Variants in ELAC1 observed in about 807,000 individuals in gnomAD.
ELAC1 encodes the protein elaC ribonuclease Z 1, also known as zinc phosphodiesterase ELAC protein 1.
Under a neutral mutation model 25.8 loss-of-function variants are expected in ELAC1, and 19 were observed. That is an observed-to-expected ratio of 0.74 (90% CI 0.51 to 1.08). The LOEUF (loss-of-function observed/expected upper bound fraction) is 1.08. Ranked by LOEUF, ELAC1 falls within the 50% of genes least tolerant of loss-of-function variation. The pLI, the probability that ELAC1 is intolerant of heterozygous loss-of-function variation, is 0.00. For synonymous variants in ELAC1, 148 were observed against 160.9 expected, an observed-to-expected ratio of 0.92 and a Z score of 0.61; for missense variants, 403 against 434.6, an observed-to-expected ratio of 0.93 and a Z score of 0.65.
chr18:50,980,344 A>T (rs1467307243), intron 2 of ELAC1, among the ~76,000 whole-genome samples: 1 of 152,078 alleles, frequency 6.6e-6, no homozygotes, highest in Non-Finnish European at 1.5e-5. Context: ...GCATGCATTC[A>T]TACATACAAT....
intron 2 of ELAC1, among the ~76,000 whole-genome samples, chr18:50,975,797 A>T (rs1907785224): frequency 6.6e-6 from 1 of 152,206 alleles, no homozygotes; most frequent in Admixed American, 6.5e-5. Context: ...GTAATGTGAT[A>T]AGTAGAATAA....
At chr18:50,983,155 G>GT (rs552455433) in intron 2 of ELAC1, among the ~76,000 whole-genome samples, 7,521 of 60,772 alleles carry the variant, frequency 0.12, 2,559 homozygotes, top group African/African-American at 0.29. Flanking sequence ...TTTACTTGGT[G>GT]TTTTTTTTTT....
chr18:50,969,628 CAGAA>C (rs367967472), intron 1 of ELAC1: 2 of 152,360 alleles, frequency 1.3e-5, no homozygotes, highest in East Asian at 3.9e-4. Context: ...CTGTTAACGT[CAGAA>C]AGAGAGACAG....
At chr18:50,981,998 C>G (rs1445627595) in intron 2 of ELAC1, among the ~76,000 whole-genome samples, 1 of 152,074 alleles carries the variant, frequency 6.6e-6, no homozygotes, top group Non-Finnish European at 1.5e-5. Context: ...AGGCATGTGC[C>G]ATCACACCCA....
At position 50,974,322 on chromosome 18, in the gene ELAC1, T is replaced by C. The variant is rs550946415; in HGVS notation, c.-8-75T>C. 4.5e-5 allele frequency: 61 copies of C among 1,350,010 alleles called. No individual in the cohort carries two copies. In the African/African-American group the frequency reaches 8.5e-4, roughly 19 times the overall value. The allele number at this position is 1,350,010 out of a possible 1,614,324, so 83.6% of individuals were successfully genotyped here. A position where few individuals can be genotyped will look rare whatever the true frequency, so the allele number is the denominator to read the frequency against. ...GTTCTAAATAACCAAAAAGTAATAA[T>C]AGAGATAAATATTACAGGAATATGT... On this transcript the variant is annotated intron_variant, in intron 1 of 3. Coordinates refer to ENST00000269466, the MANE Select transcript of ELAC1 (RefSeq NM_018696.3).
chr18:50,979,100 A>G (rs761395881), intron 2 of ELAC1, among the ~76,000 whole-genome samples: 2 of 152,256 alleles, frequency 1.3e-5, no homozygotes, highest in East Asian at 3.8e-4. Context: ...AAATAGAAAC[A>G]AGAAATTGTT....
At position 50,984,057 on chromosome 18, in the gene ELAC1, G is replaced by T. The variant is rs1908031004; in HGVS notation, c.158-39G>T. ...AGCTTTGTATGGGTTTTTAGTTAATGAAAAATTTCCAAACGTATTTCTCTA... is the reference window on the plus strand; with the variant it reads ...AGCTTTGTATGGGTTTTTAGTTAATTAAAAATTTCCAAACGTATTTCTCTA... On this transcript the variant is annotated intron_variant, in intron 2 of 3. Transcript: ENST00000269466. 3 of 1,430,834 alleles carry T rather than the reference G, an allele frequency of 2.1e-6. No individual in the cohort carries two copies. The East Asian group carries it at 6.9e-5, about 33-fold the overall frequency. The allele number at this position is 1,430,834 out of a possible 1,614,324, so 88.6% of individuals were successfully genotyped here. A position where few individuals can be genotyped will look rare whatever the true frequency, so the allele number is the denominator to read the frequency against.
chr18:50,985,403 A>G (rs910501412), intron 3 of ELAC1, among the ~76,000 whole-genome samples: 2 of 152,246 alleles, frequency 1.3e-5, no homozygotes, highest in African/African-American at 2.4e-5. Flanking sequence ...ATCAGGGTTC[A>G]TCGTAGTTGA....
chr18:50,981,101 C>A (rs1907938279), intron 2 of ELAC1, among the ~76,000 whole-genome samples: 1 of 145,236 alleles, frequency 6.9e-6, no homozygotes, highest in African/African-American at 2.8e-5. Context: ...CCCCCGCCAC[C>A]CTCCTACTCT....
intron 2 of ELAC1, among the ~76,000 whole-genome samples, chr18:50,976,433 T>C (rs1349603149): frequency 2.0e-5 from 3 of 152,128 alleles, no homozygotes; most frequent in African/African-American, 7.2e-5. Flanking sequence ...AGCAAAGGCG[T>C]GTCTTACGTG....
At chr18:50,979,627 A>G (rs1163047461) in intron 2 of ELAC1, among the ~76,000 whole-genome samples, 2 of 152,148 alleles carry the variant, frequency 1.3e-5, no homozygotes, top group African/African-American at 2.4e-5. Flanking sequence ...ACTCAAGGAG[A>G]GGGGATTGTA....
intron 1 of ELAC1, among the ~76,000 whole-genome samples, chr18:50,972,002 C>CT (rs202072304): frequency 2.0e-3 from 249 of 124,646 alleles, no homozygotes; most frequent in African/African-American, 3.2e-3. Context: ...TTTGCATAAA[C>CT]TTTTTTTTTT....
At position 50,973,847 on chromosome 18, in the gene ELAC1, T is replaced by A. The variant is rs181567822; in HGVS notation, c.-8-550T>A. Among the ~76,000 whole-genome samples, 30 of 152,134 alleles carry A rather than the reference T, an allele frequency of 2.0e-4. No individual in the cohort carries two copies. In the East Asian group the frequency reaches 5.6e-3, roughly 28 times the overall value. On this transcript the variant is annotated intron_variant, in intron 1 of 3. Coordinates refer to ENST00000269466, the MANE Select transcript of ELAC1 (RefSeq NM_018696.3). ...AGCTTAAGGGCTCATGAAAAAAAAA[T>A]GAAAAATGTGCTACATGTGTTACAG...
At chr18:50,979,978 G>A (rs567225969) in intron 2 of ELAC1, among the ~76,000 whole-genome samples, 6 of 152,068 alleles carry the variant, frequency 3.9e-5, no homozygotes, top group Non-Finnish European at 7.4e-5. Context: ...CAGTCCACCC[G>A]CCTTGTCCTC....
chr18:50,979,132 G>A (rs1288096050), intron 2 of ELAC1, among the ~76,000 whole-genome samples: 8 of 152,208 alleles, frequency 5.3e-5, no homozygotes, highest in Non-Finnish European at 1.2e-4. Context: ...CCAGAGGTTT[G>A]GCTGTGGGGA....
intron 1 of ELAC1, chr18:50,969,480 G>A (rs1907591790): frequency 6.6e-6 from 1 of 152,192 alleles, no homozygotes; most frequent in South Asian, 2.1e-4. Flanking sequence ...TCTCTTTGTG[G>A]ACCTTTTATG....
chr18:50,986,959 C>A lies in ELAC1; in HGVS notation c.966C>A (p.Ala322=). The A allele has an allele frequency of 6.2e-7, 1 of 1,613,986 alleles. No homozygotes were observed. The change falls in exon 4 of 4, where the codon GCC becomes GCA. Residue 322 remains alanine (A), a synonymous_variant. Coordinates refer to ENST00000269466, the MANE Select transcript of ELAC1 (RefSeq NM_018696.3). Reference sequence around the variant, plus strand: ...TCAGTCAGAGGTACAAACCAGTTGCCTTGGCCAGAGAAGGAGAAACAGATG... The same window carrying A: ...TCAGTCAGAGGTACAAACCAGTTGCATTGGCCAGAGAAGGAGAAACAGATG... ...THFSQRYKPV[A]LAREGETDGI... is the part of the protein sequence containing the mutation.
At chr18:50,970,223 G>A (rs565414583) in intron 1 of ELAC1, among the ~76,000 whole-genome samples, 36 of 152,218 alleles carry the variant, frequency 2.4e-4, no homozygotes, top group African/African-American at 8.4e-4. Context: ...CCAAAGTGCT[G>A]AGTTTACAAG....
intron 1 of ELAC1, among the ~76,000 whole-genome samples, chr18:50,971,271 A>G (rs535760814): frequency 4.6e-5 from 7 of 152,296 alleles, no homozygotes; most frequent in East Asian, 3.9e-4. Context: ...CCTAATCGCA[A>G]TTCATAACTT....
Sources: allele counts gnomAD v4.1 joint callset (sites outside exome capture counted in the v4.1 genomes callset), GRCh38; gene constraint gnomAD v4.1.1; transcripts MANE v1.5; gene names NCBI Gene and HGNC (gene_info 2026-07-23, HGNC 2026-07-21).